FBXL17: variants seen among roughly 807,000 people sequenced by gnomAD.
The protein encoded by FBXL17 is F-box and leucine rich repeat protein 17.
In FBXL17, 22 loss-of-function variants were observed where a neutral mutation model predicts 66.2. The observed-to-expected ratio is 0.33, with a 90% CI of 0.24 to 0.47. The LOEUF is 0.47. Among genes scored for constraint, FBXL17 ranks in the 20% least tolerant of loss-of-function variants. FBXL17 has a pLI of 1.00. For synonymous variants in FBXL17, 474 were observed against 400.5 expected, an observed-to-expected ratio of 1.18 and a Z score of -2.19; for missense variants, 878 against 948.2, an observed-to-expected ratio of 0.93 and a Z score of 0.97.
chr5:108,144,430 A>G (rs1751479540), intron 6 of FBXL17, among the ~76,000 whole-genome samples: 1 of 152,228 alleles, frequency 6.6e-6, no homozygotes, highest in Non-Finnish European at 1.5e-5. Flanking sequence ...AACTGGAGAA[A>G]GCAATTTCCC....
chr5:108,052,254 C>T (rs533480471), intron 6 of FBXL17, among the ~76,000 whole-genome samples: 98 of 152,114 alleles, frequency 6.4e-4, no homozygotes, highest in African/African-American at 2.2e-3. Context: ...ATAGGAAAAG[C>T]GGAAGATAAA....
At position 108,381,857 on chromosome 5, in the gene FBXL17, G is replaced by C. The variant is rs1020809205; in HGVS notation, c.-166C>G. 5.4e-6 allele frequency: 7 copies of C among 1,294,666 alleles called. No individual in the cohort carries two copies. In the African/African-American group the frequency reaches 1.1e-4, roughly 20 times the overall value. 80.2% of individuals were successfully genotyped at this position (1,294,666 alleles called of 1,614,324 possible). ...ACACACGCGACGGTGGGGGGTGGGC[G>C]TCAGCTGCGGGCCGCCGGAGTGCCC... On this transcript the variant is annotated 5_prime_UTR_variant, in exon 1 of 9. Coordinates refer to ENST00000542267, the MANE Select transcript of FBXL17 (RefSeq NM_001163315.3).
chr5:108,353,076 C>T (rs1302224691), intron 3 of FBXL17, among the ~76,000 whole-genome samples: 3 of 152,172 alleles, frequency 2.0e-5, no homozygotes, highest in African/African-American at 7.2e-5. Context: ...GATGATCATT[C>T]AGTAACTGTA....
At chr5:108,107,817 AAAAAAAGAAAAG>A (rs1749867638) in intron 6 of FBXL17, among the ~76,000 whole-genome samples, 1 of 151,246 alleles carries the variant, frequency 6.6e-6, no homozygotes, top group African/African-American at 2.4e-5. Context: ...GTCTCAAAAA[AAAAAAAGAAAAG>A]AAAAAAGAAA....
intron 7 of FBXL17, among the ~76,000 whole-genome samples, chr5:107,936,122 A>C (rs79112465): frequency 0.025 from 3,848 of 151,310 alleles, 163 homozygotes; most frequent in African/African-American, 0.089. Flanking sequence ...TATTACTAGG[A>C]GTATGGTATC....
chr5:108,362,826 G>A (rs113817570), intron 3 of FBXL17, among the ~76,000 whole-genome samples: 3,003 of 151,974 alleles, frequency 0.02, 91 homozygotes, highest in African/African-American at 0.067. Flanking sequence ...AATTATAGCA[G>A]TTATAAAGAA....
chr5:108,293,482 C>T (rs1434512736), intron 4 of FBXL17, among the ~76,000 whole-genome samples: 1 of 152,036 alleles, frequency 6.6e-6, no homozygotes, highest in African/African-American at 2.4e-5. Flanking sequence ...AAGTCTCTAC[C>T]TGACTCTGAG....
rs769369015 is a variant in FBXL17 at position 107,876,073 on chromosome 5, A to G, written c.1965+4964T>C. ...ATCTATTTATGTCTGTTCCTTAAGTAACGTGGCCCTCACAGCCCTCCAGGC... is the reference window on the plus strand; with the variant it reads ...ATCTATTTATGTCTGTTCCTTAAGTGACGTGGCCCTCACAGCCCTCCAGGC... On this transcript the variant is annotated intron_variant, in intron 8 of 8. Coordinates refer to ENST00000542267, the MANE Select transcript of FBXL17 (RefSeq NM_001163315.3). 1.2e-4 allele frequency among the ~76,000 whole-genome samples: 19 copies of G among 152,234 alleles called. 1 individual carries two copies. The highest frequency in any genetic ancestry group is 2.8e-4 in the Non-Finnish European group (19 of 68,038).
At chr5:108,247,373 G>A (rs1756150487) in intron 4 of FBXL17, among the ~76,000 whole-genome samples, 1 of 152,084 alleles carries the variant, frequency 6.6e-6, no homozygotes, top group African/African-American at 2.4e-5. Flanking sequence ...AATGTACAAA[G>A]TATATGAGAG....
intron 4 of FBXL17, among the ~76,000 whole-genome samples, chr5:108,278,089 C>A (rs997459687): frequency 1.3e-5 from 2 of 152,042 alleles, no homozygotes. Context: ...CTGGGACCAG[C>A]CAGGAATTGG....
intron 7 of FBXL17, among the ~76,000 whole-genome samples, chr5:108,016,203 A>G (rs767514794): frequency 2.0e-5 from 3 of 152,196 alleles, no homozygotes; most frequent in Non-Finnish European, 4.4e-5. Flanking sequence ...AAGTTTTGTC[A>G]AGCCACATGG....
chr5:108,086,061 C>G (rs1215821178), intron 6 of FBXL17, among the ~76,000 whole-genome samples: 1 of 152,170 alleles, frequency 6.6e-6, no homozygotes, highest in Non-Finnish European at 1.5e-5. Flanking sequence ...GAATTTCTTT[C>G]CACCATGGAA....
chr5:108,352,172 A>G (rs1486359963), intron 3 of FBXL17, among the ~76,000 whole-genome samples: 2 of 152,220 alleles, frequency 1.3e-5, no homozygotes, highest in Non-Finnish European at 1.5e-5. Flanking sequence ...ATTTAATCTC[A>G]CTGCAGAAAC....
chr5:108,239,558 G>A (rs1205326239), intron 4 of FBXL17, among the ~76,000 whole-genome samples: 1 of 152,198 alleles, frequency 6.6e-6, no homozygotes, highest in Non-Finnish European at 1.5e-5. Context: ...GTCAAAACCT[G>A]AGTTTTGGCA....
At chr5:108,330,802 G>A (rs969944028) in intron 4 of FBXL17, among the ~76,000 whole-genome samples, 3 of 151,952 alleles carry the variant, frequency 2.0e-5, no homozygotes, top group Non-Finnish European at 2.9e-5. Context: ...ATGCCCACAT[G>A]AGCTTTCCAC....
intron 7 of FBXL17, among the ~76,000 whole-genome samples, chr5:107,890,065 C>A (rs1413466107): frequency 1.3e-5 from 2 of 152,138 alleles, no homozygotes; most frequent in African/African-American, 4.8e-5. Flanking sequence ...AACCTTACAA[C>A]TGTAACATTC....
chr5:107,867,887 C>A (rs562646462), intron 8 of FBXL17, among the ~76,000 whole-genome samples: 1 of 152,148 alleles, frequency 6.6e-6, no homozygotes, highest in Non-Finnish European at 1.5e-5. Flanking sequence ...CTGCTAAACA[C>A]GTAGTATTAG....
At chr5:108,355,912 T>C (rs1467716652) in intron 3 of FBXL17, among the ~76,000 whole-genome samples, 1 of 152,118 alleles carries the variant, frequency 6.6e-6, no homozygotes, top group Non-Finnish European at 1.5e-5. Flanking sequence ...ACATCAGTGG[T>C]CTAAAAACAC....
intron 6 of FBXL17, among the ~76,000 whole-genome samples, chr5:108,183,346 CTACTTT>C (rs1336285448): frequency 1.3e-5 from 2 of 152,036 alleles, no homozygotes; most frequent in Non-Finnish European, 2.9e-5. Flanking sequence ...GCCCAGTTTT[CTACTTT>C]TAATTCAATG....
Sources: allele counts gnomAD v4.1 joint callset (sites outside exome capture counted in the v4.1 genomes callset), GRCh38; gene constraint gnomAD v4.1.1; transcripts MANE v1.5; gene names NCBI Gene and HGNC (gene_info 2026-07-23, HGNC 2026-07-21).